PADI1: variants seen among roughly 807,000 people sequenced by gnomAD.
PADI1 encodes protein-arginine deiminase type-1.
In PADI1, 65 loss-of-function variants were observed where a neutral mutation model predicts 74.8. The observed-to-expected ratio is 0.87, with a 90% CI of 0.71 to 1.07. The LOEUF is 1.07. Ranked by LOEUF, PADI1 falls within the 50% of genes least tolerant of loss-of-function variation. PADI1 has a pLI of 0.00. For synonymous variants in PADI1, 371 were observed against 336.2 expected (o/e 1.10, Z -1.13); for missense variants, 943 against 854.0 (o/e 1.10, Z -1.30).
Position 17,228,603 on chromosome 1 carries a change from C to G in PADI1, c.653-22C>G, listed in dbSNP as rs764998285. 6 of 1,613,634 alleles carry G rather than the reference C, an allele frequency of 3.7e-6. No individual in the cohort carries two copies. The African/African-American group carries it at 8.0e-5, about 22-fold the overall frequency. On this transcript the variant is annotated intron_variant, in intron 6 of 15. Transcript: ENST00000375471. ...CCCTCACCCCTGTCTCCTCGCTAGCCCCTGACTCTTGTTCTTCCTAGGTGG... is the reference window on the plus strand; with the variant it reads ...CCCTCACCCCTGTCTCCTCGCTAGCGCCTGACTCTTGTTCTTCCTAGGTGG...
chr1:17,225,961 G>A (rs1447210511), intron 5 of PADI1, 33 bp downstream of exon 5: 1 of 1,612,002 alleles, frequency 6.2e-7, no homozygotes, highest in Admixed American at 1.7e-5. Context: ...TGGGGAGTGG[G>A]GAAGGGGGAT....
intron 9 of PADI1, 136 bp from the exon 10 acceptor site, chr1:17,230,436 C>T: frequency 1.4e-6 from 1 of 725,830 alleles, no homozygotes; most frequent in South Asian, 1.9e-5. Flanking sequence ...TAAGAGGCCT[C>T]ACTTCTACCT....
intron 2 of PADI1, among the ~76,000 whole-genome samples, chr1:17,223,206 G>T (rs1275073270): frequency 6.6e-6 from 1 of 152,176 alleles, no homozygotes; most frequent in African/African-American, 2.4e-5. Context: ...AAAGCTCCAG[G>T]ACCACTGACT....
intron 4 of PADI1, among the ~76,000 whole-genome samples, chr1:17,225,412 G>A (rs1012388382): frequency 7.2e-5 from 11 of 152,178 alleles, no homozygotes; most frequent in Non-Finnish European, 1.6e-4. Context: ...GGAGAGTGCT[G>A]GGATGGGAAG....
At chr1:17,226,466 C>A (rs2072314945) in intron 6 of PADI1, among the ~76,000 whole-genome samples, 2 of 152,206 alleles carry the variant, frequency 1.3e-5, no homozygotes, top group Admixed American at 6.5e-5. Context: ...TTGCCCCACA[C>A]CCGTTCCCTC....
chr1:17,239,773 T>A lies in PADI1; in HGVS notation c.1622T>A (p.Leu541His). The change falls in exon 14 of 16, where the codon CTT becomes CAT. Residue 541 changes from leucine to histidine, a missense_variant. By Grantham distance (99) the Leu-to-His change is moderately conservative. Transcript: ENST00000375471. Reference protein sequence around the residue: ...LADRHLQRDNLHAQKCIDWNR... With the variant: ...LADRHLQRDNHHAQKCIDWNR... ...GACAGACACCTCCAGAGAGACAATC[T>A]TCATGCACAGGTGAGAGGCAGGACC... 9 of 1,613,000 alleles carry A rather than the reference T, an allele frequency of 5.6e-6. No homozygotes were observed. The highest frequency in any genetic ancestry group is 7.6e-6 in the Non-Finnish European group (9 of 1,178,986).
At chr1:17,232,293 T>C (rs1435990156) in intron 10 of PADI1, among the ~76,000 whole-genome samples, 6 of 152,130 alleles carry the variant, frequency 3.9e-5, no homozygotes, top group Non-Finnish European at 1.5e-5. Flanking sequence ...CAGACTAGAG[T>C]GCAGTGGTGC....
intron 1 of PADI1, among the ~76,000 whole-genome samples, chr1:17,206,132 G>A (rs2071676386): frequency 6.6e-6 from 1 of 152,218 alleles, no homozygotes; most frequent in African/African-American, 2.4e-5. Context: ...CATCCCTGCT[G>A]GAGCAGGTGG....
Position 17,232,926 on chromosome 1 carries a change from G to A in PADI1, c.1269G>A (p.Thr423=), listed in dbSNP as rs529704087. 7.4e-6 allele frequency: 12 copies of A among 1,612,124 alleles called. No individual in the cohort carries two copies. Among genetic ancestry groups the A allele is most frequent in the Admixed American group, 5.0e-5 (3 of 59,882 alleles). The change falls in exon 11 of 16, where the codon ACG becomes ACA. Residue 423 remains threonine (T), a synonymous_variant. Transcript: ENST00000375471. ...GCCCGCCCGTCACGGTGGGCGGCAC[G>A]GAATACCCCCTGGGCCGGATCCTCA... ...DVSPPVTVGG[T]EYPLGRILIG... is the part of the protein sequence containing the mutation.
Position 17,205,203 on chromosome 1 carries a change from G to A in PADI1, c.-15G>A. On this transcript the variant is annotated 5_prime_UTR_variant, in exon 1 of 16. Coordinates refer to ENST00000375471, the MANE Select transcript of PADI1 (RefSeq NM_013358.3). ...AGCCAGGGCTGATCTAGGAGGCTGG[G>A]AGCCAGGTGACAGGATGGCCCCAAA... 3 of 1,611,784 alleles carry A rather than the reference G, an allele frequency of 1.9e-6. No individual in the cohort carries two copies. Among genetic ancestry groups the A allele is most frequent in the South Asian group, 1.1e-5 (1 of 90,952 alleles).
intron 15 of PADI1, among the ~76,000 whole-genome samples, chr1:17,241,253 G>C (rs2072770511): frequency 6.6e-6 from 1 of 152,228 alleles, no homozygotes; most frequent in African/African-American, 2.4e-5. Context: ...CAGCTGACAA[G>C]GAGATGAGCA....
chr1:17,236,790 A>G (rs1212452736), intron 11 of PADI1, among the ~76,000 whole-genome samples: 1 of 152,086 alleles, frequency 6.6e-6, no homozygotes, highest in East Asian at 1.9e-4. Flanking sequence ...AAGAAAGAAA[A>G]AAAGAAAGGA....
In PADI1 at chr1:17,240,807, GAGA is replaced by G. The variant is rs757065927; in HGVS notation, c.1758+53_1758+55del. ...CCTGCTGGGGGGTCTGCGGGGCTCT[GAGA>G]AGAAGCACTCCCTGGCCCAGGGCAG... On this transcript the variant is annotated intron_variant, in intron 15 of 15. Transcript: ENST00000375471. 71 of 1,595,194 alleles carry G rather than the reference GAGA, an allele frequency of 4.5e-5. No homozygotes were observed. In the African/African-American group the frequency reaches 8.7e-4, roughly 20 times the overall value.
At chr1:17,210,541 T>G (rs1349112358) in intron 1 of PADI1, among the ~76,000 whole-genome samples, 1 of 152,028 alleles carries the variant, frequency 6.6e-6, no homozygotes, top group Non-Finnish European at 1.5e-5. Flanking sequence ...GAGCTCCACT[T>G]GGGAGAAAGC....
chr1:17,228,218 T>A (rs2072378387), intron 6 of PADI1, among the ~76,000 whole-genome samples: 1 of 152,172 alleles, frequency 6.6e-6, no homozygotes, highest in Admixed American at 6.5e-5. Context: ...TCTCAAGTGA[T>A]CCTCCCGCCT....
At chr1:17,243,662 T>A (rs1374677452) in intron 15 of PADI1, among the ~76,000 whole-genome samples, 3 of 152,242 alleles carry the variant, frequency 2.0e-5, no homozygotes, top group Non-Finnish European at 2.9e-5. Context: ...TTCTGGCAGA[T>A]GACACGAAAA....
At chr1:17,222,522 A>G (rs1284032366) in intron 2 of PADI1, 52 bp downstream of exon 2, 9 of 1,402,028 alleles carry the variant, frequency 6.4e-6, no homozygotes, top group Non-Finnish European at 9.1e-6. Flanking sequence ...ACCCCCATCC[A>G]AGGTAAGAGC....
chr1:17,210,920 G>A (rs2071818251), intron 1 of PADI1, among the ~76,000 whole-genome samples: 2 of 152,148 alleles, frequency 1.3e-5, no homozygotes, highest in South Asian at 2.1e-4. Context: ...GTCTGCTCCC[G>A]GGCACCTGCT....
chr1:17,221,145 A>G (rs1044327245), intron 1 of PADI1, among the ~76,000 whole-genome samples: 5 of 152,112 alleles, frequency 3.3e-5, no homozygotes, highest in African/African-American at 7.2e-5. Context: ...GCATTAGTCA[A>G]GTTCTAGATC....
Sources: gnomAD v4.1 joint callset for allele counts (sites outside exome capture counted in the v4.1 genomes callset) on GRCh38, gnomAD v4.1.1 for gene constraint, MANE v1.5 for transcripts, NCBI Gene and HGNC (gene_info 2026-07-23, HGNC 2026-07-21) for gene names.